The following PDCD10 variants were observed in gnomAD, a reference collection of about 807,000 sequenced individuals.
The protein encoded by PDCD10 is programmed cell death 10.
PDCD10 carries 4 observed loss-of-function variants against 29.2 expected under a neutral mutation model. The ratio of observed to expected loss-of-function variants is 0.14; its 90% CI spans 0.07 to 0.31. The LOEUF is 0.31. Ranked by LOEUF, PDCD10 falls within the 10% of genes least tolerant of loss-of-function variation. The pLI is 1.00. For missense variants in PDCD10, 183 were observed against 257.9 expected (o/e 0.71, Z 1.99); for synonymous variants, 70 against 82.2 (o/e 0.85, Z 0.80).
intron 2 of PDCD10, among the ~76,000 whole-genome samples, chr3:167,732,008 G>C (rs1037375678): frequency 7.2e-5 from 11 of 152,178 alleles, no homozygotes; most frequent in African/African-American, 2.7e-4. Flanking sequence ...TGGTAAATGA[G>C]AAAGGCTGGA....
At chr3:167,731,758 C>A (rs1724837514) in intron 2 of PDCD10, among the ~76,000 whole-genome samples, 1 of 152,156 alleles carries the variant, frequency 6.6e-6, no homozygotes, top group Non-Finnish European at 1.5e-5. Flanking sequence ...AATTAAGTTT[C>A]TATTATGATG....
intron 4 of PDCD10, among the ~76,000 whole-genome samples, chr3:167,699,501 A>G (rs1192423012): frequency 6.6e-6 from 1 of 152,182 alleles, no homozygotes; most frequent in East Asian, 1.9e-4. Context: ...TCTTATTTCA[A>G]AAGCTTGAAT....
chr3:167,720,137 C>G lies in PDCD10; in HGVS notation c.21G>C (p.Glu7Asp). The part of the protein sequence containing the change: MRMTME[E>D]MKNEAETTSM... ...ATGTGGTCTCAGCTTCATTCTTCATCTCTTCCATTGTCATCCTCATTCAAA... is the reference window on the plus strand; with the variant it reads ...ATGTGGTCTCAGCTTCATTCTTCATGTCTTCCATTGTCATCCTCATTCAAA... The change falls in exon 3 of 9, where the codon GAG (glutamate) becomes GAC (aspartate). Residue 7 changes from glutamate to aspartate, a missense_variant. Glu to Asp is a conservative substitution (Grantham distance 45). Transcript: ENST00000392750. 6.2e-7 allele frequency: 1 copy of G among 1,611,806 alleles called. No individual in the cohort carries two copies. Among genetic ancestry groups the G allele is most frequent in the Non-Finnish European group, 8.5e-7 (1 of 1,178,186 alleles).
chr3:167,712,226 C>T (rs1005480222), intron 3 of PDCD10, among the ~76,000 whole-genome samples: 6 of 151,576 alleles, frequency 4.0e-5, no homozygotes, highest in East Asian at 1.9e-4. Flanking sequence ...TACAATAAGA[C>T]GTAAAGAGAA....
intron 3 of PDCD10, among the ~76,000 whole-genome samples, chr3:167,716,327 A>G (rs1723008540): frequency 6.6e-6 from 1 of 151,950 alleles, no homozygotes; most frequent in Admixed American, 6.6e-5. Context: ...CATAGGAATA[A>G]CGAATAAGAC....
intron 3 of PDCD10, among the ~76,000 whole-genome samples, chr3:167,715,714 T>C (rs754552926): frequency 2.2e-4 from 33 of 152,056 alleles, no homozygotes; most frequent in Admixed American, 4.6e-4. Flanking sequence ...CAATGTGGTA[T>C]CACCTCATCC....
At chr3:167,703,933 T>C (rs1240468720) in intron 4 of PDCD10, among the ~76,000 whole-genome samples, 3 of 152,250 alleles carry the variant, frequency 2.0e-5, no homozygotes, top group East Asian at 1.9e-4. Flanking sequence ...TTTTCTTATA[T>C]GAAGTCTTCA....
At chr3:167,692,944 A>G (rs1471524563) in intron 6 of PDCD10, among the ~76,000 whole-genome samples, 1 of 152,112 alleles carries the variant, frequency 6.6e-6, no homozygotes, top group Non-Finnish European at 1.5e-5. Flanking sequence ...AACAAAACAA[A>G]CAAAAAAACC....
intron 2 of PDCD10, among the ~76,000 whole-genome samples, chr3:167,721,362 T>C (rs1225718966): frequency 6.6e-6 from 1 of 152,158 alleles, no homozygotes. Flanking sequence ...ACAGATCTTA[T>C]ACTCTCACAT....
chr3:167,713,469 CAA>C (rs1007038592), intron 3 of PDCD10, among the ~76,000 whole-genome samples: 1 of 151,622 alleles, frequency 6.6e-6, no homozygotes, highest in Non-Finnish European at 1.5e-5. Context: ...GTGCCTACAT[CAA>C]AAGAGAACAA....
rs1343619893 is a variant in PDCD10, at chr3:167,687,113, T to A, written c.557+121A>T. 4 of 601,814 alleles carry A rather than the reference T, an allele frequency of 6.6e-6. No homozygotes were observed. In the East Asian group the frequency reaches 1.1e-4, roughly 17 times the overall value. The allele number at this position is 601,814 out of a possible 1,614,324, so 37.3% of individuals were successfully genotyped here. On this transcript the variant is annotated intron_variant, in intron 8 of 8. Coordinates refer to ENST00000392750, the MANE Select transcript of PDCD10 (RefSeq NM_007217.4). ...TTCTATTGTTAATGGTCTGCCTTCA[T>A]TATCAGTTGCCTGGAGTACTAATAA...
At chr3:167,701,133 A>C (rs1721379329) in intron 4 of PDCD10, among the ~76,000 whole-genome samples, 1 of 152,100 alleles carries the variant, frequency 6.6e-6, no homozygotes, top group Admixed American at 6.6e-5. Flanking sequence ...ACCTAGACAA[A>C]GAGAACCCTT....
intron 3 of PDCD10, among the ~76,000 whole-genome samples, chr3:167,714,204 T>A (rs553626656): frequency 6.6e-6 from 1 of 152,202 alleles, no homozygotes; most frequent in South Asian, 2.1e-4. Context: ...CCAAGGAGAT[T>A]TATCCCAGGA....
At chr3:167,710,070 T>C (rs952247648) in intron 3 of PDCD10, among the ~76,000 whole-genome samples, 2 of 152,048 alleles carry the variant, frequency 1.3e-5, no homozygotes, top group African/African-American at 4.8e-5. Flanking sequence ...GGGCCCTGAA[T>C]AAACAACAGC....
intron 6 of PDCD10, among the ~76,000 whole-genome samples, chr3:167,692,949 A>C (rs1179883031): frequency 6.6e-6 from 1 of 152,160 alleles, no homozygotes; most frequent in Non-Finnish European, 1.5e-5. Context: ...AACAAACAAA[A>C]AAACCCTTAG....
intron 2 of PDCD10, chr3:167,725,263 G>GAAAAAAAAAAAAAAA: frequency 3.3e-5 from 1 of 30,210 alleles, no homozygotes; most frequent in Non-Finnish European, 7.7e-5. Context: ...TCTCAAAAAA[G>GAAAAAAAAAAAAAAA]AAAAAAAAAA....
chr3:167,695,331 C>T (rs990117381), intron 6 of PDCD10, among the ~76,000 whole-genome samples: 1 of 152,214 alleles, frequency 6.6e-6, no homozygotes, highest in Non-Finnish European at 1.5e-5. Context: ...ATTTATCTGA[C>T]ATTTATATCT....
intron 5 of PDCD10, among the ~76,000 whole-genome samples, chr3:167,696,606 T>C (rs1489278528): frequency 6.6e-6 from 1 of 152,158 alleles, no homozygotes; most frequent in African/African-American, 2.4e-5. Flanking sequence ...CTTAAATCTG[T>C]GCTTGAAACA....
chr3:167,715,023 TC>T (rs1392614005), intron 3 of PDCD10, among the ~76,000 whole-genome samples: 1 of 151,502 alleles, frequency 6.6e-6, no homozygotes, highest in Non-Finnish European at 1.5e-5. Context: ...TTCAAACTAT[TC>T]TATAGAGCTA....
Sources: gnomAD v4.1 joint callset for allele counts (sites outside exome capture counted in the v4.1 genomes callset) on GRCh38, gnomAD v4.1.1 for gene constraint, MANE v1.5 for transcripts, NCBI Gene and HGNC (gene_info 2026-07-23, HGNC 2026-07-21) for gene names.